CEP128: variants seen among roughly 807,000 people sequenced by gnomAD.
CEP128 encodes the protein centrosomal protein 128, also known as centrosomal protein 128kDa.
Under a neutral mutation model 156.7 loss-of-function variants are expected in CEP128, and 132 were observed. The ratio of observed to expected loss-of-function variants is 0.84; its 90% CI spans 0.73 to 0.97. The LOEUF (loss-of-function observed/expected upper bound fraction) is 0.97, where lower values mean the gene tolerates loss of function less well. Among genes scored for constraint, CEP128 ranks in the 50% least tolerant of loss-of-function variants. The probability of loss-of-function intolerance (pLI) is 0.00; values close to 1 mark genes in which losing one functional copy is unlikely to be tolerated. For synonymous variants in CEP128, 469 were observed against 448.9 expected (o/e 1.04, Z -0.57); for missense variants, 1,252 against 1,281.9 (o/e 0.98, Z 0.36).
intron 13 of CEP128, among the ~76,000 whole-genome samples, chr14:80,802,823 C>T (rs930172722): frequency 6.6e-6 from 1 of 152,128 alleles, no homozygotes; most frequent in African/African-American, 2.4e-5. Flanking sequence ...TATGCTAACA[C>T]TAGGATATTA....
chr14:80,801,910 C>CAAAAAAAAAAAAAAAAA lies in CEP128; in HGVS notation c.1210-8817_1210-8801dup, dbSNP rs71103882. ...GTGACAGTGTGAGACTCTGTCTCCC[C>CAAAAAAAAAAAAAAAAA]AAAAAAAAAAAAAAAAAAAAAAAAA... On this transcript the variant is annotated intron_variant, in intron 13 of 24. Transcript: ENST00000555265. Among the ~76,000 whole-genome samples, 2 of 43,374 alleles carry CAAAAAAAAAAAAAAAAA rather than the reference C, an allele frequency of 4.6e-5. 1 individual carries two copies. The highest frequency in any genetic ancestry group is 7.4e-5 in the Non-Finnish European group (2 of 27,048). The allele number at this position is 43,374 out of a possible 152,430, so 28.5% of individuals were successfully genotyped here.
In CEP128 at chr14:80,814,595, C is replaced by G. The variant is rs556309354; in HGVS notation, c.1209+16548G>C. On this transcript the variant is annotated intron_variant, in intron 13 of 24. Transcript: ENST00000555265. The stretch of plus-strand genomic sequence containing the variant: ...TTATTCCATTACCTCTCACCATATA[C>G]AAAAATCAACTCAATGTAAGTCTTT... Among the ~76,000 whole-genome samples the G allele has an allele frequency of 9.9e-5, 15 of 152,174 alleles. 1 individual carries two copies. The South Asian group carries it at 1.5e-3, about 15-fold the overall frequency.
intron 22 of CEP128, among the ~76,000 whole-genome samples, chr14:80,530,182 T>A (rs1253045286): frequency 6.6e-6 from 1 of 152,246 alleles, no homozygotes; most frequent in African/African-American, 2.4e-5. Flanking sequence ...CCTAAGGCTA[T>A]ATACGACGTT....
intron 19 of CEP128, among the ~76,000 whole-genome samples, chr14:80,641,750 G>A (rs992052146): frequency 2.0e-5 from 3 of 151,920 alleles, no homozygotes; most frequent in Admixed American, 6.6e-5. Context: ...TCTATTATAA[G>A]TAATTAAAAT....
At chr14:80,947,045 T>G (rs1438622388) in intron 2 of CEP128, among the ~76,000 whole-genome samples, 2 of 152,084 alleles carry the variant, frequency 1.3e-5, no homozygotes, top group African/African-American at 4.8e-5. Flanking sequence ...CAAAGCACCA[T>G]GATTGTAAGT....
intron 23 of CEP128, among the ~76,000 whole-genome samples, chr14:80,509,318 T>C (rs1453652152): frequency 6.6e-6 from 1 of 152,236 alleles, no homozygotes; most frequent in African/African-American, 2.4e-5. Flanking sequence ...TGTTATTGCC[T>C]GTCTTTTGGG....
At position 80,955,861 on chromosome 14, in the gene CEP128, G is replaced by A. The variant is rs768916638; in HGVS notation, c.-172+2317C>T. 6.8e-6 allele frequency: 11 copies of A among 1,613,982 alleles called. No homozygotes were observed. Among genetic ancestry groups the A allele is most frequent in the African/African-American group, 4.0e-5 (3 of 74,954 alleles). On this transcript the variant is annotated intron_variant, in intron 2 of 7. Transcript: ENST00000555529. ...CAGTACGCAGACTCTGTGAGTACCC[G>A]GGAGAGATCAGGGTAGGACCCAGAG...
At chr14:80,926,387 ACC>A in intron 2 of CEP128, among the ~76,000 whole-genome samples, 1 of 152,082 alleles carries the variant, frequency 6.6e-6, no homozygotes, top group South Asian at 2.1e-4. Context: ...CCGCTACCAC[ACC>A]CTTCCCCTTG....
intron 21 of CEP128, among the ~76,000 whole-genome samples, chr14:80,542,202 T>C (rs1050183284): frequency 6.6e-6 from 1 of 152,222 alleles, no homozygotes; most frequent in Non-Finnish European, 1.5e-5. Context: ...TGTGTTTACT[T>C]GTCTCTTTCA....
At chr14:80,774,063 T>C (rs1900656108) in intron 16 of CEP128, among the ~76,000 whole-genome samples, 1 of 152,170 alleles carries the variant, frequency 6.6e-6, no homozygotes, top group South Asian at 2.1e-4. Context: ...AAAAATGCAT[T>C]TTAATACCAT....
intron 2 of CEP128, among the ~76,000 whole-genome samples, chr14:80,933,370 G>A (rs574917409): frequency 9.2e-5 from 14 of 152,276 alleles, no homozygotes; most frequent in African/African-American, 3.1e-4. Flanking sequence ...CCCCCTCTAA[G>A]TTTATATCTC....
At chr14:80,672,378 G>C (rs952795734) in intron 19 of CEP128, among the ~76,000 whole-genome samples, 1 of 149,628 alleles carries the variant, frequency 6.7e-6, no homozygotes. Flanking sequence ...CAGAATTGCT[G>C]ATGCTATATT....
At chr14:80,836,165 A>C (rs755063912) in intron 12 of CEP128, 40 bp downstream of exon 12, 2 of 1,600,962 alleles carry the variant, frequency 1.2e-6, no homozygotes, top group South Asian at 1.1e-5. Context: ...AAAAGCCCCC[A>C]CACACATTAT....
At chr14:80,596,842 A>AAAAAAAAAAAAAAAAAAG in intron 19 of CEP128, among the ~76,000 whole-genome samples, 1 of 69,832 alleles carries the variant, frequency 1.4e-5, no homozygotes. Flanking sequence ...AAAAAAAAAA[A>AAAAAAAAAAAAAAAAAAG]GGTGGGGGGG....
intron 17 of CEP128, among the ~76,000 whole-genome samples, chr14:80,758,906 G>A (rs1314010159): frequency 6.6e-6 from 1 of 152,106 alleles, no homozygotes; most frequent in Non-Finnish European, 1.5e-5. Flanking sequence ...CTTATCCAAG[G>A]TCATATATTA....
At chr14:80,671,460 T>C (rs1306325497) in intron 19 of CEP128, among the ~76,000 whole-genome samples, 2 of 152,096 alleles carry the variant, frequency 1.3e-5, no homozygotes, top group Non-Finnish European at 2.9e-5. Flanking sequence ...AAGACAGACA[T>C]CTAGGGAAGA....
At chr14:80,806,972 G>A (rs1257195444) in intron 13 of CEP128, among the ~76,000 whole-genome samples, 1 of 152,092 alleles carries the variant, frequency 6.6e-6, no homozygotes, top group African/African-American at 2.4e-5. Flanking sequence ...TTGGAAGAAA[G>A]CAATTTTTCT....
chr14:80,749,148 C>T (rs1012079246), intron 18 of CEP128, among the ~76,000 whole-genome samples: 6 of 152,180 alleles, frequency 3.9e-5, no homozygotes, highest in South Asian at 2.1e-4. Flanking sequence ...AGAAACACTG[C>T]GTTTGTTTTG....
intron 2 of CEP128, among the ~76,000 whole-genome samples, chr14:80,921,300 T>A (rs1486627675): frequency 6.6e-6 from 1 of 152,106 alleles, no homozygotes; most frequent in African/African-American, 2.4e-5. Flanking sequence ...AATGGATTAA[T>A]CTATTCATGG....
Sources: allele counts gnomAD v4.1 joint callset (sites outside exome capture counted in the v4.1 genomes callset), GRCh38; gene constraint gnomAD v4.1.1; transcripts MANE v1.5; gene names NCBI Gene and HGNC (gene_info 2026-07-23, HGNC 2026-07-21).